UNC13C: variants seen among roughly 807,000 people sequenced by gnomAD.
UNC13C encodes the protein unc-13 homolog C.
A neutral mutation model predicts 245.4 loss-of-function variants in UNC13C; 174 were observed. The ratio of observed to expected loss-of-function variants is 0.71; its 90% confidence interval spans 0.63 to 0.80. The LOEUF (loss-of-function observed/expected upper bound fraction) is 0.80, where lower values mean the gene tolerates loss of function less well. Among genes scored for constraint, UNC13C ranks in the 30% least tolerant of loss-of-function variants. The pLI is 0.00. For missense variants in UNC13C, 2,829 were observed against 2,602.9 expected (o/e 1.09, Z -1.89); for synonymous variants, 992 against 895.1 (o/e 1.11, Z -1.93).
At chr15:53,994,433 C>G (rs147581251) in intron 1 of UNC13C, among the ~76,000 whole-genome samples, 1 of 151,992 alleles carries the variant, frequency 6.6e-6, no homozygotes, top group Non-Finnish European at 1.5e-5. Flanking sequence ...AAATGCCACA[C>G]CCATTTCACT....
intron 30 of UNC13C, among the ~76,000 whole-genome samples, chr15:54,615,281 G>A (rs541778834): frequency 7.8e-4 from 119 of 151,952 alleles, no homozygotes; most frequent in Non-Finnish European, 1.4e-3. Flanking sequence ...TCACCCTATT[G>A]TACTACCAAA....
chr15:53,963,099 AC>A, the UNC13C span, among the ~76,000 whole-genome samples: 1 of 152,106 alleles, frequency 6.6e-6, no homozygotes, highest in Admixed American at 6.6e-5. Context: ...TGTTTTAATG[AC>A]CCTTCAGCTG....
intron 2 of UNC13C, among the ~76,000 whole-genome samples, chr15:54,057,944 T>G (rs1392567245): frequency 6.6e-6 from 1 of 152,188 alleles, no homozygotes; most frequent in African/African-American, 2.4e-5. Flanking sequence ...CCAGAATCCC[T>G]GGGACTCATT....
intron 32 of UNC13C, among the ~76,000 whole-genome samples, chr15:54,626,143 A>T (rs1901126506): frequency 6.9e-6 from 1 of 144,096 alleles, no homozygotes; most frequent in Non-Finnish European, 1.5e-5. Context: ...AGGAAGACAG[A>T]CTGTATCTAC....
chr15:53,918,750 CG>C, the UNC13C span, among the ~76,000 whole-genome samples: 2 of 152,150 alleles, frequency 1.3e-5, no homozygotes, highest in Admixed American at 1.3e-4. Context: ...ATTCTGAAGC[CG>C]GATGCTTCTT....
intron 17 of UNC13C, among the ~76,000 whole-genome samples, chr15:54,384,418 C>G (rs1454246360): frequency 1.3e-5 from 2 of 152,078 alleles, no homozygotes; most frequent in Non-Finnish European, 2.9e-5. Flanking sequence ...AAAGCACACT[C>G]TCTTCATTAA....
the UNC13C span, among the ~76,000 whole-genome samples, chr15:53,966,563 CTTTA>C: frequency 2.0e-5 from 3 of 151,978 alleles, no homozygotes; most frequent in South Asian, 6.2e-4. Flanking sequence ...TCTTTACTTA[CTTTA>C]TTTTTTTTAA....
At chr15:54,183,783 C>A (rs1388772082) in intron 4 of UNC13C, among the ~76,000 whole-genome samples, 1 of 149,862 alleles carries the variant, frequency 6.7e-6, no homozygotes, top group Admixed American at 6.7e-5. Context: ...AACATGGGAC[C>A]AGTCATTGCA....
chr15:54,377,728 G>A (rs1330665534), intron 17 of UNC13C, among the ~76,000 whole-genome samples: 1 of 152,174 alleles, frequency 6.6e-6, no homozygotes, highest in African/African-American at 2.4e-5. Flanking sequence ...GGCAAAAGGA[G>A]TGAACCAGCT....
chr15:54,328,861 A>C (rs1385234154), intron 14 of UNC13C, among the ~76,000 whole-genome samples: 1 of 152,130 alleles, frequency 6.6e-6, no homozygotes, highest in Non-Finnish European at 1.5e-5. Flanking sequence ...TGAAACATTA[A>C]AACTATCTAA....
chr15:54,292,694 AAC>A (rs1022984097), intron 10 of UNC13C, among the ~76,000 whole-genome samples: 5 of 151,652 alleles, frequency 3.3e-5, no homozygotes, highest in African/African-American at 4.8e-5. Flanking sequence ...ATTATATTGA[AAC>A]ACAGTTTTAG....
intron 4 of UNC13C, among the ~76,000 whole-genome samples, chr15:54,146,642 A>G (rs1333693956): frequency 6.6e-6 from 1 of 152,214 alleles, no homozygotes; most frequent in Admixed American, 6.5e-5. Context: ...GGAAAGATAC[A>G]TGTTTTGGTG....
intron 19 of UNC13C, among the ~76,000 whole-genome samples, chr15:54,419,982 C>A (rs1005939540): frequency 1.5e-4 from 23 of 152,040 alleles, no homozygotes; most frequent in African/African-American, 4.8e-4. Flanking sequence ...CTCCCTCTTA[C>A]AACATACCCC....
At chr15:54,032,933 A>T (rs776309007) in intron 2 of UNC13C, among the ~76,000 whole-genome samples, 1 of 152,208 alleles carries the variant, frequency 6.6e-6, no homozygotes, top group Non-Finnish European at 1.5e-5. Context: ...GAGCTAATCT[A>T]TGAGGAAGGA....
At chr15:54,387,391 T>C (rs961091165) in intron 17 of UNC13C, among the ~76,000 whole-genome samples, 8 of 152,180 alleles carry the variant, frequency 5.3e-5, no homozygotes, top group Non-Finnish European at 1.2e-4. Flanking sequence ...TGCCATGGCA[T>C]TTGTAAACTG....
At chr15:54,066,169 A>G (rs1898066162) in intron 2 of UNC13C, among the ~76,000 whole-genome samples, 1 of 152,236 alleles carries the variant, frequency 6.6e-6, no homozygotes, top group African/African-American at 2.4e-5. Context: ...TGTGGTGTCA[A>G]TAAAAGATAT....
At chr15:54,246,774 A>G (rs79868580) in intron 7 of UNC13C, among the ~76,000 whole-genome samples, 3,563 of 151,298 alleles carry the variant, frequency 0.024, 151 homozygotes, top group African/African-American at 0.083. Flanking sequence ...GGAGGAGGGA[A>G]AGCAGCAGGG....
At chr15:54,181,696 A>C (rs2033805553) in intron 4 of UNC13C, among the ~76,000 whole-genome samples, 2 of 151,838 alleles carry the variant, frequency 1.3e-5, no homozygotes, top group Admixed American at 1.3e-4. Context: ...ATGTTTTCCC[A>C]TTTGTTTGTT....
intron 1 of UNC13C, among the ~76,000 whole-genome samples, chr15:53,987,048 T>A (rs1458479378): frequency 6.6e-6 from 1 of 152,058 alleles, no homozygotes; most frequent in Non-Finnish European, 1.5e-5. Context: ...TCTGCAATAT[T>A]GCATGATAAG....
Sources: gnomAD v4.1 joint callset for allele counts (sites outside exome capture counted in the v4.1 genomes callset) on GRCh38, gnomAD v4.1.1 for gene constraint, MANE v1.5 for transcripts, NCBI Gene and HGNC (gene_info 2026-07-23, HGNC 2026-07-21) for gene names.